Variants in CNGB3 observed in about 807,000 individuals in gnomAD.
The protein encoded by CNGB3 is cyclic nucleotide-gated channel beta-3.
Under a neutral mutation model 92.8 loss-of-function variants are expected in CNGB3, and 86 were observed. That is an observed-to-expected ratio of 0.93 (90% confidence interval 0.78 to 1.11). The LOEUF (loss-of-function observed/expected upper bound fraction) is 1.11, where lower values mean the gene tolerates loss of function less well. Ranked by LOEUF, CNGB3 falls within the 50% of genes least tolerant of loss-of-function variation. The pLI, the probability that CNGB3 is intolerant of heterozygous loss-of-function variation, is 0.00. For missense variants in CNGB3, 1,026 were observed against 956.8 expected, an observed-to-expected ratio of 1.07 and a Z score of -0.95; for synonymous variants, 333 against 332.7, an observed-to-expected ratio of 1.00 and a Z score of -0.01.
intron 3 of CNGB3, among the ~76,000 whole-genome samples, chr8:86,684,714 G>C (rs1000711748): frequency 2.0e-5 from 3 of 151,194 alleles, no homozygotes; most frequent in Admixed American, 1.3e-4. Flanking sequence ...AAGATCTCTG[G>C]AGAATTATAT....
chr8:86,737,025 C>T (rs1004016693), intron 2 of CNGB3, among the ~76,000 whole-genome samples: 7 of 152,048 alleles, frequency 4.6e-5, no homozygotes, highest in East Asian at 1.9e-4. Context: ...CCTTTCTCCT[C>T]GGATAAGTCA....
intron 3 of CNGB3, among the ~76,000 whole-genome samples, chr8:86,690,116 T>G (rs1443896375): frequency 3.3e-5 from 5 of 152,208 alleles, no homozygotes; most frequent in Non-Finnish European, 7.3e-5. Flanking sequence ...TTTCTAGTTC[T>G]AGATCCCTGA....
intron 3 of CNGB3, among the ~76,000 whole-genome samples, chr8:86,711,905 T>A (rs1824758979): frequency 6.6e-6 from 1 of 151,202 alleles, no homozygotes; most frequent in Admixed American, 6.6e-5. Flanking sequence ...CTTATATATG[T>A]ACTATGAGTA....
At chr8:86,652,600 CT>C (rs1823428322) in intron 7 of CNGB3, among the ~76,000 whole-genome samples, 1 of 151,778 alleles carries the variant, frequency 6.6e-6, no homozygotes, top group Admixed American at 6.6e-5. Context: ...TACTTTTAAG[CT>C]TTTTTGTTAA....
intron 3 of CNGB3, among the ~76,000 whole-genome samples, chr8:86,674,602 A>T (rs528837637): frequency 2.2e-4 from 34 of 152,344 alleles, no homozygotes; most frequent in African/African-American, 7.2e-4. Flanking sequence ...GGATAAAAGA[A>T]AGAACCAATG....
At chr8:86,639,342 A>G (rs13256447) in intron 10 of CNGB3, among the ~76,000 whole-genome samples, 9,116 of 152,154 alleles carry the variant, frequency 0.06, 308 homozygotes, top group South Asian at 0.11. Context: ...TTTGAACTAA[A>G]TATTTGCATT....
chr8:86,720,839 TACACACACACACACACAC>T (rs4024071), intron 3 of CNGB3, among the ~76,000 whole-genome samples: 83 of 129,916 alleles, frequency 6.4e-4, no homozygotes, highest in Admixed American at 2.2e-3. Context: ...TATATATGTA[TACACACACACACACACAC>T]ACACACACAC....
chr8:86,621,478 T>C lies in CNGB3; in HGVS notation c.1578+4505A>G, dbSNP rs77953503. Among the ~76,000 whole-genome samples, 1,015 of 152,344 alleles carry C rather than the reference T, an allele frequency of 6.7e-3. 11 individuals carry two copies. Among genetic ancestry groups the C allele is most frequent in the Middle Eastern group, 0.024 (7 of 294 alleles). ...AATTTTTTATTTACTTTTTAATTTT[T>C]ATTTAATTTCAATAGTTTTTGGGGA... is the stretch of plus-strand genomic sequence containing the variant. On this transcript the variant is annotated intron_variant, in intron 13 of 17. Coordinates refer to ENST00000320005, the MANE Select transcript of CNGB3 (RefSeq NM_019098.5).
chr8:86,577,124 CA>C (rs550936026), intron 17 of CNGB3, among the ~76,000 whole-genome samples: 2 of 136,968 alleles, frequency 1.5e-5, no homozygotes, highest in Admixed American at 8.1e-5. Flanking sequence ...AATATGAAAC[CA>C]AAAAAAAAGA....
chr8:86,650,872 T>C (rs1239488946), intron 7 of CNGB3, among the ~76,000 whole-genome samples: 1 of 151,820 alleles, frequency 6.6e-6, no homozygotes, highest in African/African-American at 2.4e-5. Flanking sequence ...TATAGGTTTA[T>C]TTCAGCCCAA....
At chr8:86,600,006 T>G (rs1190623060) in intron 15 of CNGB3, among the ~76,000 whole-genome samples, 1 of 152,186 alleles carries the variant, frequency 6.6e-6, no homozygotes, top group Non-Finnish European at 1.5e-5. Context: ...CCTGGTGACA[T>G]GTGATGTCTC....
At position 86,575,581 on chromosome 8, in the gene CNGB3, C is replaced by T; in HGVS notation, c.*223G>A. 2.1e-6 allele frequency: 1 copy of T among 487,202 alleles called. No homozygotes were observed. The highest frequency in any genetic ancestry group is 3.6e-6 in the Non-Finnish European group (1 of 276,866). 30.2% of individuals were successfully genotyped at this position (487,202 alleles called of 1,614,324 possible). A position where few individuals can be genotyped will look rare whatever the true frequency, so the allele number is the denominator to read the frequency against. On this transcript the variant is annotated 3_prime_UTR_variant, in exon 18 of 18. Transcript: ENST00000320005. ...ATACAATTAGAAGATATAGCAATTGCATAAAGTTAATGAAAACGGAGAATA... is the reference window on the plus strand; with the variant it reads ...ATACAATTAGAAGATATAGCAATTGTATAAAGTTAATGAAAACGGAGAATA...
intron 4 of CNGB3, among the ~76,000 whole-genome samples, chr8:86,669,847 A>G (rs970764109): frequency 6.6e-6 from 1 of 151,540 alleles, no homozygotes; most frequent in Non-Finnish European, 1.5e-5. Flanking sequence ...TTTGTGCTCT[A>G]TATTATCATA....
At chr8:86,684,811 A>C (rs1461402138) in intron 3 of CNGB3, among the ~76,000 whole-genome samples, 1 of 152,126 alleles carries the variant, frequency 6.6e-6, no homozygotes, top group African/African-American at 2.4e-5. Context: ...AGAGATGGAG[A>C]ATAGCGATTG....
At chr8:86,713,315 G>A (rs1413421429) in intron 3 of CNGB3, among the ~76,000 whole-genome samples, 1 of 152,102 alleles carries the variant, frequency 6.6e-6, no homozygotes, top group Non-Finnish European at 1.5e-5. Flanking sequence ...CACCTACAAA[G>A]GTTTATGATC....
At chr8:86,588,917 C>A (rs1821958720) in intron 15 of CNGB3, among the ~76,000 whole-genome samples, 1 of 151,608 alleles carries the variant, frequency 6.6e-6, no homozygotes, top group Non-Finnish European at 1.5e-5. Context: ...GGAATGGTAC[C>A]AGTTCCTCCT....
At chr8:86,719,085 A>C (rs1304011588) in intron 3 of CNGB3, among the ~76,000 whole-genome samples, 1 of 151,812 alleles carries the variant, frequency 6.6e-6, no homozygotes, top group African/African-American at 2.4e-5. Flanking sequence ...GGAAAAGTTG[A>C]AAGCATTCCC....
chr8:86,681,160 A>G (rs1004535208), intron 3 of CNGB3, among the ~76,000 whole-genome samples: 1 of 152,182 alleles, frequency 6.6e-6, no homozygotes, highest in Non-Finnish European at 1.5e-5. Context: ...ACAGAATAAC[A>G]AAGCTGATGA....
intron 17 of CNGB3, among the ~76,000 whole-genome samples, chr8:86,576,660 G>C (rs905493269): frequency 6.6e-6 from 1 of 152,038 alleles, no homozygotes; most frequent in African/African-American, 2.4e-5. Context: ...TGTACCTATC[G>C]TGTTTAGCAC....
Sources: allele counts gnomAD v4.1 joint callset (sites outside exome capture counted in the v4.1 genomes callset), GRCh38; gene constraint gnomAD v4.1.1; transcripts MANE v1.5; gene names NCBI Gene and HGNC (gene_info 2026-07-23, HGNC 2026-07-21).